The following DMRTB1 variants were observed in gnomAD, a reference collection of about 807,000 sequenced individuals.
The protein encoded by DMRTB1 is doublesex- and mab-3-related transcription factor B1.
Under a neutral mutation model 25.2 loss-of-function variants are expected in DMRTB1, and 9 were observed. The ratio of observed to expected loss-of-function variants is 0.36; its 90% CI spans 0.22 to 0.62. DMRTB1 has a LOEUF of 0.62. DMRTB1 is among the 20% of genes least tolerant of loss of function. The probability of loss-of-function intolerance (pLI) is 0.71; values close to 1 mark genes in which losing one functional copy is unlikely to be tolerated. For missense variants in DMRTB1, 551 were observed against 499.3 expected, an observed-to-expected ratio of 1.10 and a Z score of -0.99; for synonymous variants, 269 against 238.1, an observed-to-expected ratio of 1.13 and a Z score of -1.20.
chr1:53,461,851 G>C (rs1414490316), intron 2 of DMRTB1, among the ~76,000 whole-genome samples: 1 of 152,204 alleles, frequency 6.6e-6, no homozygotes, highest in Non-Finnish European at 1.5e-5. Flanking sequence ...GCACCACTCG[G>C]CTTGGGCTAT....
chr1:53,461,789 A>C, intron 2 of DMRTB1, 144 bp downstream of exon 2: 1 of 1,017,906 alleles, frequency 9.8e-7, no homozygotes, highest in South Asian at 1.8e-5. Flanking sequence ...AGGACTAGGC[A>C]CTGCCCAGGC....
intron 3 of DMRTB1, 111 bp from the exon 4 acceptor site, chr1:53,466,484 C>CT: frequency 9.0e-7 from 1 of 1,108,938 alleles, no homozygotes; most frequent in South Asian, 1.4e-5. Context: ...GAGCGAGACT[C>CT]TGTCTCAAAA....
chr1:53,464,684 G>A lies in DMRTB1; in HGVS notation c.798G>A (p.Pro266=), dbSNP rs764254629. Residue 266 remains proline, a synonymous_variant, in exon 3 of 4, where the codon CCG becomes CCA. Transcript: ENST00000371445. ...TCCAGCCAAGCTACTACCTGCCGCC[G>A]CCGCCGCCGCCACTGCCGCCCCTTC... ...GDFQPSYYLP[P]PPPPLPPLPP... 4.7e-5 allele frequency: 76 copies of A among 1,612,398 alleles called. 1 individual carries two copies. The highest frequency in any genetic ancestry group is 1.7e-4 in the Middle Eastern group (1 of 6,020).
At position 53,467,367 on chromosome 1, in the gene DMRTB1, T is replaced by C. The variant is rs1038206560; in HGVS notation, c.*705T>C. The C allele has an allele frequency of 2.6e-5, 4 of 152,500 alleles. No homozygotes were observed. Among genetic ancestry groups the C allele is most frequent in the African/African-American group, 9.6e-5 (4 of 41,480 alleles). The allele number at this position is 152,500 out of a possible 1,614,324, so 9.4% of individuals were successfully genotyped here. ...TATAGTGATTGCCAACTTTAAAAAG[T>C]AGGCTGTTCATAAGCACTGATGCAG... is the stretch of plus-strand genomic sequence containing the variant. On this transcript the variant is annotated 3_prime_UTR_variant, in exon 4 of 4. Transcript: ENST00000371445.
At chr1:53,460,364 T>G (rs1288628) in intron 1 of DMRTB1, 53,292 of 213,746 alleles carry the variant, frequency 0.25, 10,641 homozygotes, top group African/African-American at 0.61. Context: ...GTCCTACTGC[T>G]CTTGCGCACC....
rs768200106 is a variant in DMRTB1, at chr1:53,461,575, C to T, written c.680C>T (p.Ala227Val). The T allele has an allele frequency of 1.2e-6, 2 of 1,611,682 alleles. No individual in the cohort carries two copies. Among genetic ancestry groups the T allele is most frequent in the Admixed American group, 1.7e-5 (1 of 59,736 alleles). Residue 227 changes from alanine (A) to valine (V), a missense_variant, in exon 2 of 4, where the codon GCC becomes GTC. Transcript: ENST00000371445. ...YCPFPLGYLD[A>V]PPGVPLQQGF... is the part of the protein sequence containing the mutation. ...CCGTTCCCGCTGGGCTACCTGGACGCCCCTCCTGGCGTCCCCCTGCAGCAG... is the reference window on the plus strand; with the variant it reads ...CCGTTCCCGCTGGGCTACCTGGACGTCCCTCCTGGCGTCCCCCTGCAGCAG...
chr1:53,466,504 TA>T, intron 3 of DMRTB1, 90 bp from the exon 4 acceptor site: 2 of 1,332,002 alleles, frequency 1.5e-6, no homozygotes, highest in Non-Finnish European at 2.1e-6. Flanking sequence ...AAAATTAAAA[TA>T]AAATAAGAAA....
Position 53,459,719 on chromosome 1 carries a change from C to G in DMRTB1, c.266C>G (p.Pro89Arg). ...GAAAAAPAPV[P>R]VPAASLRPLS... ...GCGGCCGCCGCCCCCGCCCCCGTCC[C>G]CGTCCCGGCCGCGAGCCTCCGCCCG... The change falls in exon 1 of 4, where the codon CCC becomes CGC. Residue 89 changes from proline to arginine, a missense_variant. By Grantham distance (103) the Pro-to-Arg change is moderately radical. Transcript: ENST00000371445. 7.2e-7 allele frequency: 1 copy of G among 1,384,984 alleles called. No individual in the cohort carries two copies. The highest frequency in any genetic ancestry group is 9.3e-7 in the Non-Finnish European group (1 of 1,073,390). The allele number at this position is 1,384,984 out of a possible 1,614,324, so 85.8% of individuals were successfully genotyped here.
At position 53,462,409 on chromosome 1, in the gene DMRTB1, C is replaced by T. The variant is rs148651396; in HGVS notation, c.750+764C>T. 4.6e-5 allele frequency among the ~76,000 whole-genome samples: 7 copies of T among 152,320 alleles called. No homozygotes were observed. The East Asian group carries it at 1.2e-3, about 25-fold the overall frequency. On this transcript the variant is annotated intron_variant, in intron 2 of 3. Transcript: ENST00000371445. ...AGTGTGGAGCCAGTCCAATGGGGCT[C>T]GAGCTTCACCCGGGCAGGTTGGGCA...
chr1:53,459,687 C>T lies in DMRTB1; in HGVS notation c.234C>T (p.Ser78=), dbSNP rs1644006794. The T allele has an allele frequency of 1.3e-6, 2 of 1,508,240 alleles. No homozygotes were observed. The highest frequency in any genetic ancestry group is 1.8e-6 in the Non-Finnish European group (2 of 1,129,964). The allele number at this position is 1,508,240 out of a possible 1,614,324, so 93.4% of individuals were successfully genotyped here. A position where few individuals can be genotyped will look rare whatever the true frequency, so the allele number is the denominator to read the frequency against. Residue 78 remains serine (S), a synonymous_variant, in exon 1 of 4, where the codon TCC becomes TCT. Transcript: ENST00000371445. ...ALCAQGPKQA[S]GAAAAAPAPV... is the part of the protein sequence containing the mutation. ...GTGCGCAGGGGCCCAAGCAGGCCTC[C>T]GGGGCTGCGGCCGCCGCCCCCGCCC...
In DMRTB1 at chr1:53,466,954, A is replaced by G; in HGVS notation, c.*292A>G. 1 of 406,342 alleles carries G rather than the reference A, an allele frequency of 2.5e-6. No homozygotes were observed. Among genetic ancestry groups the G allele is most frequent in the Non-Finnish European group, 4.4e-6 (1 of 228,124 alleles). 25.2% of individuals were successfully genotyped at this position (406,342 alleles called of 1,614,324 possible). On this transcript the variant is annotated 3_prime_UTR_variant, in exon 4 of 4. Coordinates refer to ENST00000371445, the MANE Select transcript of DMRTB1 (RefSeq NM_033067.3). ...ATGAATTTAACTGTCCTTGGGTTAC[A>G]CTACCATTTATTGGAACAAGCCCCA...
In DMRTB1 at chr1:53,466,308, TG is replaced by T. The variant is rs1295911682; in HGVS notation, c.962-283del. Among the ~76,000 whole-genome samples the T allele has an allele frequency of 8.4e-4, 128 of 152,214 alleles. 1 individual carries two copies. Among genetic ancestry groups the T allele is most frequent in the African/African-American group, 3.0e-3 (124 of 41,518 alleles). On this transcript the variant is annotated intron_variant, in intron 3 of 3. Coordinates refer to ENST00000371445, the MANE Select transcript of DMRTB1 (RefSeq NM_033067.3). Reference sequence around the variant, plus strand: ...GAGTTCAAGACCAGCCTGGCCAACATGGGGCAACCCTGTCTCTACTAAAAAT... The same window carrying T: ...GAGTTCAAGACCAGCCTGGCCAACATGGGCAACCCTGTCTCTACTAAAAAT...
chr1:53,461,381 C>T (rs1051499307), intron 1 of DMRTB1, 92 bp from the exon 2 acceptor site: 6 of 1,343,240 alleles, frequency 4.5e-6, no homozygotes, highest in Non-Finnish European at 6.0e-6. Flanking sequence ...TGTGCTTGGA[C>T]GGCAGCGCTG....
chr1:53,461,297 C>T (rs1644020735), intron 1 of DMRTB1, among the ~76,000 whole-genome samples, 176 bp from the exon 2 acceptor site: 2 of 152,198 alleles, frequency 1.3e-5, no homozygotes, highest in East Asian at 1.9e-4. Context: ...GAGGACTTTC[C>T]AAGAGCAGTG....
intron 1 of DMRTB1, 75 bp from the exon 2 acceptor site, chr1:53,461,398 C>G: frequency 6.9e-7 from 1 of 1,456,222 alleles, no homozygotes; most frequent in Non-Finnish European, 9.2e-7. Context: ...GCTGATGACC[C>G]CGCCGCCCTG....
chr1:53,462,202 G>A (rs374463405), intron 2 of DMRTB1, among the ~76,000 whole-genome samples: 50 of 152,340 alleles, frequency 3.3e-4, no homozygotes, highest in African/African-American at 1.2e-3. Context: ...ATAAAGGTCA[G>A]TCGTTAGCTG....
rs765921330 is a variant in DMRTB1 at position 53,459,964 on chromosome 1, T to C, written c.511T>C (p.Tyr171His). 1.5e-5 allele frequency: 23 copies of C among 1,579,710 alleles called. No homozygotes were observed. The African/African-American group carries it at 2.2e-4, about 15-fold the overall frequency. Residue 171 changes from tyrosine (Y) to histidine (H), a missense_variant, in exon 1 of 4, where the codon TAC becomes CAC. By Grantham distance (83) the Tyr-to-His change is moderately conservative. Coordinates refer to ENST00000371445, the MANE Select transcript of DMRTB1 (RefSeq NM_033067.3). ...TGGGGCGGAGGCCGCAGGCAGTGGC[T>C]ACCCTGGCCCCCTAGACCTGCGCAG... ...PFGAEAAGSG[Y>H]PGPLDLRRPM...
chr1:53,460,564 A>C (rs192371043), intron 1 of DMRTB1: 2 of 152,990 alleles, frequency 1.3e-5, no homozygotes, highest in Non-Finnish European at 2.9e-5. Flanking sequence ...CGTGCAGGTG[A>C]GGGGAGCCTG....
At position 53,459,588 on chromosome 1, in the gene DMRTB1, G is replaced by A. The variant is rs1414089859; in HGVS notation, c.135G>A (p.Glu45=). 1 of 1,601,798 alleles carries A rather than the reference G, an allele frequency of 6.2e-7. No homozygotes were observed. The highest frequency in any genetic ancestry group is 1.3e-5 in the African/African-American group (1 of 74,846). Residue 45 remains glutamate, a synonymous_variant, in exon 1 of 4, where the codon GAG becomes GAA. Coordinates refer to ENST00000371445, the MANE Select transcript of DMRTB1 (RefSeq NM_033067.3). ...CLCEKCYLIS[E]RQKIMAAQKV... ...GCGAGAAGTGCTACCTGATCTCCGAGCGCCAGAAGATCATGGCCGCGCAGA... is the reference window on the plus strand; with the variant it reads ...GCGAGAAGTGCTACCTGATCTCCGAACGCCAGAAGATCATGGCCGCGCAGA...
Sources: allele counts gnomAD v4.1 joint callset (sites outside exome capture counted in the v4.1 genomes callset), GRCh38; gene constraint gnomAD v4.1.1; transcripts MANE v1.5; gene names NCBI Gene and HGNC (gene_info 2026-07-23, HGNC 2026-07-21).